Variants in ABLIM1 observed in about 807,000 individuals in gnomAD.
The protein encoded by ABLIM1 is actin-binding LIM protein 1.
ABLIM1 carries 40 observed loss-of-function variants against 107.0 expected under a neutral mutation model. That is an observed-to-expected ratio of 0.37 (90% CI 0.29 to 0.49). ABLIM1 has a LOEUF of 0.49. ABLIM1 is among the 20% of genes least tolerant of loss of function. ABLIM1 has a pLI of 0.97. For missense variants in ABLIM1, 857 were observed against 1,008.5 expected (o/e 0.85, Z 2.04); for synonymous variants, 357 against 357.3 (o/e 1.00, Z 0.01).
chr10:114,579,440 A>G (rs1467874541), intron 2 of ABLIM1, among the ~76,000 whole-genome samples: 1 of 152,212 alleles, frequency 6.6e-6, no homozygotes, highest in Non-Finnish European at 1.5e-5. Flanking sequence ...CCATTTTTAG[A>G]TAAGTCATGT....
At chr10:114,461,086 C>A (rs1284852048) in intron 12 of ABLIM1, among the ~76,000 whole-genome samples, 1 of 150,532 alleles carries the variant, frequency 6.6e-6, no homozygotes, top group Non-Finnish European at 1.5e-5. Context: ...TTTTTTGAGA[C>A]AGGGTTTTGC....
chr10:114,600,234 A>G (rs1218724612), intron 2 of ABLIM1, among the ~76,000 whole-genome samples: 6 of 152,136 alleles, frequency 3.9e-5, no homozygotes, highest in African/African-American at 1.4e-4. Context: ...TGTGACCTTG[A>G]TATTTCCTCA....
intron 1 of ABLIM1, among the ~76,000 whole-genome samples, chr10:114,677,747 C>A (rs2141500634): frequency 1.3e-5 from 2 of 152,218 alleles, no homozygotes; most frequent in East Asian, 1.9e-4. Context: ...TGCACTCCAG[C>A]CTGGGCAACA....
At chr10:114,571,858 G>T (rs1311801423) in intron 3 of ABLIM1, among the ~76,000 whole-genome samples, 1 of 152,148 alleles carries the variant, frequency 6.6e-6, no homozygotes, top group African/African-American at 2.4e-5. Context: ...ACCGTGCCTA[G>T]ACCTCTGTGA....
intron 6 of ABLIM1, among the ~76,000 whole-genome samples, chr10:114,544,789 T>C (rs928277807): frequency 1.3e-5 from 2 of 152,184 alleles, no homozygotes; most frequent in Non-Finnish European, 2.9e-5. Context: ...TCATTCTTTT[T>C]TTTTTCCTGT....
intron 4 of ABLIM1, among the ~76,000 whole-genome samples, chr10:114,549,391 A>G (rs1048240079): frequency 3.3e-5 from 5 of 152,210 alleles, no homozygotes; most frequent in Non-Finnish European, 5.9e-5. Context: ...CTCAATAAAT[A>G]AAGTAATTAA....
At chr10:114,698,878 A>C (rs561059495) in intron 1 of ABLIM1, among the ~76,000 whole-genome samples, 4 of 152,200 alleles carry the variant, frequency 2.6e-5, no homozygotes, top group Non-Finnish European at 5.9e-5. Context: ...ATTCCCAAAA[A>C]GAAAACTGCA....
At chr10:114,624,892 A>G (rs1030671360) in intron 1 of ABLIM1, among the ~76,000 whole-genome samples, 2 of 151,924 alleles carry the variant, frequency 1.3e-5, no homozygotes, top group Non-Finnish European at 2.9e-5. Flanking sequence ...ACTTTCATTT[A>G]TAAAATAGTA....
chr10:114,460,550 G>A (rs1481757252), intron 12 of ABLIM1, among the ~76,000 whole-genome samples: 2 of 152,182 alleles, frequency 1.3e-5, no homozygotes, highest in East Asian at 1.9e-4. Context: ...GCAGTGAGCT[G>A]AGATTGTGCC....
At chr10:114,650,985 C>T (rs927556797) in intron 1 of ABLIM1, among the ~76,000 whole-genome samples, 7 of 152,104 alleles carry the variant, frequency 4.6e-5, no homozygotes, top group Non-Finnish European at 8.8e-5. Flanking sequence ...AACTAAGGCT[C>T]GGACATATTA....
chr10:114,784,232 G>GCAGA, the ABLIM1 span, among the ~76,000 whole-genome samples: 1 of 151,556 alleles, frequency 6.6e-6, no homozygotes, highest in Non-Finnish European at 1.5e-5. Flanking sequence ...TGTAGTCCCA[G>GCAGA]CTACTCCAGA....
chr10:114,732,472 C>A (rs1414395536), intron 1 of ABLIM1, among the ~76,000 whole-genome samples: 2 of 151,766 alleles, frequency 1.3e-5, no homozygotes, highest in East Asian at 1.9e-4. Context: ...GAAAAATAGA[C>A]CCTTATCAGA....
chr10:114,716,410 A>AAAAAACAC (rs541504016), intron 1 of ABLIM1, among the ~76,000 whole-genome samples: 2 of 143,536 alleles, frequency 1.4e-5, no homozygotes, highest in African/African-American at 5.2e-5. Context: ...GGTAGAGAGA[A>AAAAAACAC]ACACACACAC....
At chr10:114,564,561 G>A (rs774002848) in intron 4 of ABLIM1, among the ~76,000 whole-genome samples, 1 of 152,036 alleles carries the variant, frequency 6.6e-6, no homozygotes, top group Non-Finnish European at 1.5e-5. Flanking sequence ...GTGAGCCACT[G>A]CGCCCAGCAT....
the ABLIM1 span, among the ~76,000 whole-genome samples, chr10:114,784,948 T>C: frequency 1.6e-4 from 25 of 152,330 alleles, no homozygotes; most frequent in African/African-American, 5.5e-4. Context: ...TGTTTTCTAA[T>C]TTTTTCATTG....
chr10:114,439,976 C>A, intron 20 of ABLIM1, 106 bp downstream of exon 20: 1 of 1,573,756 alleles, frequency 6.4e-7, no homozygotes, highest in South Asian at 1.1e-5. Context: ...TCAACCACAA[C>A]AAGCATCTTC....
chr10:114,661,908 A>T (rs971867371), upstream of ABLIM1, among the ~76,000 whole-genome samples: 1 of 152,220 alleles, frequency 6.6e-6, no homozygotes, highest in Non-Finnish European at 1.5e-5. Context: ...GATGAGCCCC[A>T]GCCCAAAGCC....
intron 6 of ABLIM1, 108 bp from the exon 7 acceptor site, chr10:114,491,986 A>G (rs927391759): frequency 8.4e-6 from 8 of 949,830 alleles, no homozygotes; most frequent in Admixed American, 4.6e-5. Flanking sequence ...GAAAAAGGAA[A>G]AATAATTGTC....
At chr10:114,681,302 T>A (rs184994117) in intron 1 of ABLIM1, among the ~76,000 whole-genome samples, 30 of 152,316 alleles carry the variant, frequency 2.0e-4, no homozygotes, top group Admixed American at 1.8e-3. Context: ...TTCAAGTGAT[T>A]CTCCTGCCTC....
Sources: gnomAD v4.1 joint callset for allele counts (sites outside exome capture counted in the v4.1 genomes callset) on GRCh38, gnomAD v4.1.1 for gene constraint, MANE v1.5 for transcripts, NCBI Gene and HGNC (gene_info 2026-07-23, HGNC 2026-07-21) for gene names.